The following CHD6 variants were observed in gnomAD, a reference collection of about 807,000 sequenced individuals.
CHD6 encodes the protein chromodomain helicase DNA binding protein 6.
In CHD6, 50 loss-of-function variants were observed where a neutral mutation model predicts 276.9. That is an observed-to-expected ratio of 0.18 (90% CI 0.14 to 0.23). CHD6 has a LOEUF of 0.23. Ranked by LOEUF, CHD6 falls within the 10% of genes least tolerant of loss-of-function variation. The probability of loss-of-function intolerance (pLI) is 1.00; values close to 1 mark genes in which losing one functional copy is unlikely to be tolerated. For synonymous variants in CHD6, 1,173 were observed against 1,229.3 expected (o/e 0.95, Z 0.96); for missense variants, 2,564 against 3,365.8 (o/e 0.76, Z 5.89).
chr20:41,465,569 T>C (rs562331519), intron 17 of CHD6, among the ~76,000 whole-genome samples: 6 of 152,226 alleles, frequency 3.9e-5, no homozygotes, highest in Non-Finnish European at 8.8e-5. Context: ...ATGTGGATAC[T>C]GGGCCAGAAA....
chr20:41,487,521 C>T (rs2043445508), intron 14 of CHD6, 144 bp downstream of exon 14: 1 of 810,332 alleles, frequency 1.2e-6, no homozygotes, highest in Non-Finnish European at 1.9e-6. Context: ...CCCCAACATA[C>T]ACAAACACAT....
At chr20:41,528,445 T>C (rs375434977) in intron 3 of CHD6, among the ~76,000 whole-genome samples, 36 of 152,322 alleles carry the variant, frequency 2.4e-4, no homozygotes, top group African/African-American at 8.2e-4. Flanking sequence ...AAAAATAGTA[T>C]AAACATATGA....
intron 1 of CHD6, among the ~76,000 whole-genome samples, chr20:41,599,095 A>G (rs1166811503): frequency 2.0e-5 from 3 of 152,234 alleles, no homozygotes; most frequent in Admixed American, 2.0e-4. Context: ...AAAAGTGTAG[A>G]CTGGATAAAT....
chr20:41,459,654 TGCC>T (rs770940676), intron 17 of CHD6, among the ~76,000 whole-genome samples: 80 of 152,232 alleles, frequency 5.3e-4, no homozygotes, highest in Non-Finnish European at 1.8e-4. Context: ...ATTTTTCTCT[TGCC>T]GCCGCCATGT....
chr20:41,404,567 C>A lies in CHD6; in HGVS notation c.*26G>T. 1 of 1,471,706 alleles carries A rather than the reference C, an allele frequency of 6.8e-7. No individual in the cohort carries two copies. The highest frequency in any genetic ancestry group is 9.0e-7 in the Non-Finnish European group (1 of 1,109,378). 91.2% of individuals were successfully genotyped at this position (1,471,706 alleles called of 1,614,324 possible). On this transcript the variant is annotated 3_prime_UTR_variant, in exon 37 of 37. Transcript: ENST00000373233. ...TATGGGATAAGAAACTTACAAGTCACAATAATTTCTTAAATGAAAAAAGTT... is the reference window on the plus strand; with the variant it reads ...TATGGGATAAGAAACTTACAAGTCAAAATAATTTCTTAAATGAAAAAAGTT...
intron 16 of CHD6, among the ~76,000 whole-genome samples, chr20:41,481,767 G>T (rs945196193): frequency 6.6e-6 from 1 of 151,698 alleles, no homozygotes; most frequent in Non-Finnish European, 1.5e-5. Context: ...TGAAAAATTG[G>T]AAATGTTTAA....
intron 11 of CHD6, 33 bp downstream of exon 11, chr20:41,491,665 G>C (rs1347377029): frequency 1.2e-5 from 20 of 1,612,898 alleles, no homozygotes; most frequent in Non-Finnish European, 1.7e-5. Flanking sequence ...ATACCTCTGG[G>C]TACAAACATC....
At position 41,498,246 on chromosome 20, in the gene CHD6, G is replaced by A; in HGVS notation, c.916-20C>T. 6.2e-7 allele frequency: 1 copy of A among 1,602,346 alleles called. No individual in the cohort carries two copies. Among genetic ancestry groups the A allele is most frequent in the Non-Finnish European group, 8.5e-7 (1 of 1,172,624 alleles). Reference sequence around the variant, plus strand: ...GTGAACCTGTAACAAACAGCAAGCAGTTATCAGCCCAGATCCCAGGCAGAT... The same window carrying A: ...GTGAACCTGTAACAAACAGCAAGCAATTATCAGCCCAGATCCCAGGCAGAT... On this transcript the variant is annotated intron_variant, in intron 6 of 36. Transcript: ENST00000373233.
At chr20:41,470,629 T>C (rs2043031649) in intron 17 of CHD6, among the ~76,000 whole-genome samples, 1 of 152,206 alleles carries the variant, frequency 6.6e-6, no homozygotes, top group South Asian at 2.1e-4. Context: ...GCAGTGGACA[T>C]TGAGAACAGC....
chr20:41,479,089 T>A (rs1323776529), intron 16 of CHD6, among the ~76,000 whole-genome samples: 13 of 152,030 alleles, frequency 8.6e-5, no homozygotes, highest in African/African-American at 2.7e-4. Flanking sequence ...GTGTGCTTAA[T>A]AAGCATGATG....
chr20:41,451,691 T>C (rs1191103797), intron 22 of CHD6, 135 bp downstream of exon 22: 2 of 750,104 alleles, frequency 2.7e-6, no homozygotes, highest in African/African-American at 1.7e-5. Flanking sequence ...GCAACATCTT[T>C]TCCCACTGGT....
At chr20:41,602,013 A>G (rs940576317) in intron 1 of CHD6, among the ~76,000 whole-genome samples, 1 of 151,930 alleles carries the variant, frequency 6.6e-6, no homozygotes, top group African/African-American at 2.4e-5. Flanking sequence ...CATGAACACA[A>G]CCCAACAAAG....
At chr20:41,607,841 A>C (rs996161951) in intron 1 of CHD6, among the ~76,000 whole-genome samples, 5 of 152,196 alleles carry the variant, frequency 3.3e-5, no homozygotes, top group Non-Finnish European at 5.9e-5. Flanking sequence ...ACACTATGTA[A>C]TCATTACATA....
chr20:41,593,204 G>GC (rs2045681771), intron 1 of CHD6, among the ~76,000 whole-genome samples: 1 of 69,466 alleles, frequency 1.4e-5, no homozygotes, highest in African/African-American at 7.7e-5. Context: ...AATCAAAAAG[G>GC]GGGGGGGGGG....
intron 1 of CHD6, chr20:41,614,583 C>T (rs1475742254): frequency 6.6e-6 from 1 of 152,162 alleles, no homozygotes; most frequent in African/African-American, 2.4e-5. Context: ...TATTTACTGA[C>T]TATAAAAACC....
chr20:41,528,893 T>C (rs1601092228), intron 3 of CHD6, among the ~76,000 whole-genome samples: 1 of 152,188 alleles, frequency 6.6e-6, no homozygotes, highest in African/African-American at 2.4e-5. Flanking sequence ...AAGGAAAAAG[T>C]TGAAGACATT....
intron 1 of CHD6, among the ~76,000 whole-genome samples, chr20:41,568,890 C>T (rs953632182): frequency 8.5e-5 from 13 of 152,178 alleles, no homozygotes; most frequent in Non-Finnish European, 1.0e-4. Context: ...ACCTCCTGCA[C>T]TTTCCTTAGG....
At chr20:41,434,608 G>T (rs1032298599) in intron 27 of CHD6, among the ~76,000 whole-genome samples, 1 of 152,180 alleles carries the variant, frequency 6.6e-6, no homozygotes, top group African/African-American at 2.4e-5. Flanking sequence ...GGCCTCCAGT[G>T]ATCTGCCTTC....
intron 4 of CHD6, 90 bp from the exon 5 acceptor site, chr20:41,513,085 CCA>C (rs2044160154): frequency 6.6e-6 from 9 of 1,361,274 alleles, no homozygotes; most frequent in Non-Finnish European, 8.3e-6. Context: ...TACTAACATG[CCA>C]AGGAGTGCTT....
Sources: allele counts gnomAD v4.1 joint callset (sites outside exome capture counted in the v4.1 genomes callset), GRCh38; gene constraint gnomAD v4.1.1; transcripts MANE v1.5; gene names NCBI Gene and HGNC (gene_info 2026-07-23, HGNC 2026-07-21).